Variants in PCLO observed in about 807,000 individuals in gnomAD.
PCLO encodes the protein protein piccolo.
Under a neutral mutation model 427.5 loss-of-function variants are expected in PCLO, and 82 were observed. The observed-to-expected ratio is 0.19, with a 90% CI of 0.16 to 0.23. PCLO has a LOEUF of 0.23. PCLO is among the 10% of genes least tolerant of loss of function. PCLO has a pLI of 1.00. For synonymous variants in PCLO, 2,357 were observed against 2,155.4 expected (o/e 1.09, Z -2.59); for missense variants, 6,239 against 6,115.9 (o/e 1.02, Z -0.67).
chr7:82,808,780 A>G (rs1791508381), intron 20 of PCLO, among the ~76,000 whole-genome samples: 1 of 151,958 alleles, frequency 6.6e-6, no homozygotes, highest in African/African-American at 2.4e-5. Context: ...TTATCACAAC[A>G]AAACATCCGG....
intron 8 of PCLO, among the ~76,000 whole-genome samples, chr7:82,905,526 C>T (rs1397348451): frequency 1.3e-5 from 2 of 151,856 alleles, no homozygotes; most frequent in Non-Finnish European, 2.9e-5. Context: ...AAGCTCACAG[C>T]CCAAGACATA....
chr7:82,760,690 C>T lies in PCLO; in HGVS notation c.15237G>A (p.Ser5079=), dbSNP rs374322393. 5.5e-5 allele frequency: 89 copies of T among 1,604,036 alleles called. 1 individual carries two copies. In the African/African-American group the frequency reaches 7.4e-4, roughly 13 times the overall value. ...GACTGAATCGAAAAGTTTCATTAAA[C>T]GAAGGCTCTCGATCATGTCTGCATA... ...TRVCRHDREP[S]FNETFRFSLS... Residue 5079 remains serine (S), a synonymous_variant, in exon 24 of 25, where the codon TCG becomes TCA. Coordinates refer to ENST00000333891, the MANE Select transcript of PCLO (RefSeq NM_033026.6).
At chr7:82,850,688 G>C (rs932395558) in intron 10 of PCLO, among the ~76,000 whole-genome samples, 1 of 152,014 alleles carries the variant, frequency 6.6e-6, no homozygotes, top group African/African-American at 2.4e-5. Flanking sequence ...CCACACAAAA[G>C]CTCCTGACGT....
intron 8 of PCLO, among the ~76,000 whole-genome samples, chr7:82,904,346 C>T (rs1400657808): frequency 2.6e-5 from 4 of 151,602 alleles, no homozygotes; most frequent in Non-Finnish European, 5.9e-5. Context: ...TTGCCCTCCC[C>T]ACATCTTTTT....
chr7:83,076,167 A>G (rs890117941), intron 3 of PCLO, among the ~76,000 whole-genome samples: 3 of 151,528 alleles, frequency 2.0e-5, no homozygotes, highest in African/African-American at 7.3e-5. Flanking sequence ...CTCCTATAAC[A>G]GTTCATATTG....
At position 82,794,450 on chromosome 7, in the gene PCLO, ATTTTTTTTCTT is replaced by A. The variant is rs1305558966; in HGVS notation, c.15007+7057_15007+7067del. Among the ~76,000 whole-genome samples, 27 of 62,076 alleles carry A rather than the reference ATTTTTTTTCTT, an allele frequency of 4.3e-4. 1 individual carries two copies. Among genetic ancestry groups the A allele is most frequent in the East Asian group, 2.8e-3 (5 of 1,796 alleles). The allele number at this position is 62,076 out of a possible 152,430, so 40.7% of individuals were successfully genotyped here. On this transcript the variant is annotated intron_variant, in intron 22 of 24. Transcript: ENST00000333891. Reference sequence around the variant, plus strand: ...TTGTTACTGACATGCTAGTTCATAAATTTTTTTTCTTTTTTTTTTTTTTTTTTTTTTTTTTT... The same window carrying A: ...TTGTTACTGACATGCTAGTTCATAAATTTTTTTTTTTTTTTTTTTTTTTTT...
rs765562490 is a variant in PCLO, at chr7:83,162,539, C to G, written c.54G>C (p.Ala18=). 1 of 1,553,708 alleles carries G rather than the reference C, an allele frequency of 6.4e-7. No individual in the cohort carries two copies. Among genetic ancestry groups the G allele is most frequent in the Admixed American group, 1.9e-5 (1 of 51,790 alleles). ...EGEGLPEGLA[A]AAAAGGGASG... Reference sequence around the variant, plus strand: ...TAGCTCCTCCTCCAGCCGCTGCGGCCGCCGCCAGCCCTTCGGGGAGCCCTT... The same window carrying G: ...TAGCTCCTCCTCCAGCCGCTGCGGCGGCCGCCAGCCCTTCGGGGAGCCCTT... The change falls in exon 1 of 25, where the codon GCG becomes GCC. Residue 18 remains alanine, a synonymous_variant. Coordinates refer to ENST00000333891, the MANE Select transcript of PCLO (RefSeq NM_033026.6).
intron 3 of PCLO, among the ~76,000 whole-genome samples, chr7:83,058,648 T>C (rs1454747740): frequency 2.0e-5 from 3 of 152,292 alleles, no homozygotes; most frequent in Non-Finnish European, 2.9e-5. Context: ...CATTTAATCC[T>C]CCTCACAGCT....
At chr7:82,777,792 A>C (rs891788716) in intron 22 of PCLO, among the ~76,000 whole-genome samples, 2 of 152,158 alleles carry the variant, frequency 1.3e-5, no homozygotes, top group Non-Finnish European at 1.5e-5. Flanking sequence ...TAAAACCAAA[A>C]AGTATAAAAA....
At chr7:82,818,311 A>G (rs768040484) in intron 20 of PCLO, among the ~76,000 whole-genome samples, 1 of 152,202 alleles carries the variant, frequency 6.6e-6, no homozygotes, top group Non-Finnish European at 1.5e-5. Flanking sequence ...TGAGAAGCTT[A>G]CAAAAAATCT....
At chr7:82,892,372 A>G (rs1793790510) in intron 9 of PCLO, among the ~76,000 whole-genome samples, 1 of 152,180 alleles carries the variant, frequency 6.6e-6, no homozygotes, top group South Asian at 2.1e-4. Flanking sequence ...CTGGCTAGCC[A>G]TATGTAGAAA....
At chr7:82,857,723 AAGTT>A (rs753011589) in intron 10 of PCLO, among the ~76,000 whole-genome samples, 4 of 152,166 alleles carry the variant, frequency 2.6e-5, no homozygotes, top group African/African-American at 4.8e-5. Flanking sequence ...CTGAAAAAGA[AAGTT>A]AGAAGAAAGA....
Position 82,955,240 on chromosome 7 carries a change from C to T in PCLO, c.5713G>A (p.Glu1905Lys). The stretch of plus-strand genomic sequence containing the variant: ...CTTTTTAACGCCTTTTGGCTACCTT[C>T]TTTCTGCATAATAGATTGCTCATCT... ...PTDEQSIMQK[E>K]GSQKALKSAE... The change falls in exon 5 of 25, where the codon GAA (glutamate) becomes AAA (lysine). Residue 1905 changes from glutamate to lysine, a missense_variant. This residue lies in a region of PCLO where 4,677 missense variants were observed against 4,468.4 expected (regional missense o/e 1.05). Transcript: ENST00000333891. The T allele has an allele frequency of 6.2e-7, 1 of 1,613,766 alleles. No individual in the cohort carries two copies. The highest frequency in any genetic ancestry group is 2.2e-5 in the East Asian group (1 of 44,840).
chr7:82,992,648 G>A (rs994110604), intron 3 of PCLO, among the ~76,000 whole-genome samples: 1 of 151,904 alleles, frequency 6.6e-6, no homozygotes, highest in African/African-American at 2.4e-5. Flanking sequence ...TGCATGCGGG[G>A]CTTAAAACCT....
intron 10 of PCLO, among the ~76,000 whole-genome samples, chr7:82,860,528 T>C (rs1792926427): frequency 6.6e-6 from 1 of 151,998 alleles, no homozygotes; most frequent in Admixed American, 6.6e-5. Flanking sequence ...GGGATTTCAA[T>C]ACCAGAGCTG....
intron 2 of PCLO, among the ~76,000 whole-genome samples, chr7:83,148,498 G>A (rs140239148): frequency 1.0e-3 from 159 of 152,254 alleles, no homozygotes; most frequent in Middle Eastern, 3.4e-3. Context: ...TATGGTAGAT[G>A]TTAAGTAAGT....
chr7:83,044,926 A>AT (rs1583951139), intron 3 of PCLO, among the ~76,000 whole-genome samples: 1 of 152,258 alleles, frequency 6.6e-6, no homozygotes, highest in East Asian at 1.9e-4. Flanking sequence ...ACATGGCTGT[A>AT]TATGAAAGCA....
At chr7:83,106,175 C>A (rs1204664702) in intron 3 of PCLO, among the ~76,000 whole-genome samples, 1 of 152,186 alleles carries the variant, frequency 6.6e-6, no homozygotes, top group Non-Finnish European at 1.5e-5. Context: ...TACACTGCCA[C>A]ATCTTAGCAT....
At chr7:83,110,911 A>T (rs183395948) in intron 3 of PCLO, among the ~76,000 whole-genome samples, 25 of 152,308 alleles carry the variant, frequency 1.6e-4, no homozygotes, top group Non-Finnish European at 1.9e-4. Flanking sequence ...ATTACAAAAT[A>T]AGATCAAGCA....
Sources: gnomAD v4.1 joint callset for allele counts (sites outside exome capture counted in the v4.1 genomes callset) on GRCh38, gnomAD v4.1.1 for gene constraint, gnomAD v4.1.1 regional missense constraint, MANE v1.5 for transcripts, NCBI Gene and HGNC (gene_info 2026-07-23, HGNC 2026-07-21) for gene names.